Variants in ZNF385D observed in about 807,000 individuals in gnomAD.
The protein encoded by ZNF385D is zinc finger protein 659.
Under a neutral mutation model 35.8 loss-of-function variants are expected in ZNF385D, and 15 were observed. The observed-to-expected ratio is 0.42, with a 90% CI of 0.28 to 0.64. The LOEUF (loss-of-function observed/expected upper bound fraction) is 0.64. Among genes scored for constraint, ZNF385D ranks in the 30% least tolerant of loss-of-function variants. The probability of loss-of-function intolerance (pLI) is 0.23; values close to 1 mark genes in which losing one functional copy is unlikely to be tolerated. For synonymous variants in ZNF385D, 212 were observed against 186.8 expected, an observed-to-expected ratio of 1.13 and a Z score of -1.10; for missense variants, 474 against 494.6, an observed-to-expected ratio of 0.96 and a Z score of 0.39.
At chr3:21,527,653 C>G (rs1484629361) in intron 3 of ZNF385D, among the ~76,000 whole-genome samples, 2 of 152,156 alleles carry the variant, frequency 1.3e-5, no homozygotes, top group Admixed American at 1.3e-4. Flanking sequence ...TTCCTCTGGT[C>G]TTCAGTAGCC....
chr3:22,043,193 A>G (rs760366958), intron 3 of ZNF385D, among the ~76,000 whole-genome samples: 3 of 152,184 alleles, frequency 2.0e-5, no homozygotes, highest in Non-Finnish European at 4.4e-5. Flanking sequence ...CAATAGCACT[A>G]AATTTATCAA....
chr3:21,982,961 G>C (rs895327340), intron 3 of ZNF385D, among the ~76,000 whole-genome samples: 3 of 151,862 alleles, frequency 2.0e-5, no homozygotes, highest in African/African-American at 4.8e-5. Flanking sequence ...TAGCGGATTA[G>C]CTTTCTGATG....
At chr3:21,837,104 G>C (rs1647565251) in intron 3 of ZNF385D, among the ~76,000 whole-genome samples, 1 of 152,094 alleles carries the variant, frequency 6.6e-6, no homozygotes, top group Non-Finnish European at 1.5e-5. Flanking sequence ...GCTAGCATTG[G>C]AGTGACAGAA....
intron 2 of ZNF385D, among the ~76,000 whole-genome samples, chr3:22,235,842 T>C (rs1392813652): frequency 6.6e-6 from 1 of 152,100 alleles, no homozygotes; most frequent in African/African-American, 2.4e-5. Flanking sequence ...AAGGGTAATA[T>C]AAAAATTTAA....
chr3:21,853,041 T>C (rs1696484353), intron 3 of ZNF385D, among the ~76,000 whole-genome samples: 2 of 72,802 alleles, frequency 2.7e-5, no homozygotes, highest in South Asian at 1.2e-3. Flanking sequence ...TAAAAGCCAA[T>C]TAAAGTTCTC....
At chr3:22,141,297 C>T (rs550859619) in intron 3 of ZNF385D, among the ~76,000 whole-genome samples, 16 of 152,140 alleles carry the variant, frequency 1.1e-4, no homozygotes, top group African/African-American at 3.9e-4. Flanking sequence ...GCTGGCAAGA[C>T]TAGTTTTCAA....
At chr3:21,684,580 T>A (rs1193891758) in intron 1 of ZNF385D, among the ~76,000 whole-genome samples, 1 of 152,202 alleles carries the variant, frequency 6.6e-6, no homozygotes, top group East Asian at 1.9e-4. Context: ...AGTTAAGTAT[T>A]ATAAAGTCAC....
chr3:22,234,549 C>G (rs1049734564), intron 2 of ZNF385D, among the ~76,000 whole-genome samples: 1 of 151,966 alleles, frequency 6.6e-6, no homozygotes. Flanking sequence ...CCACCATAAT[C>G]TTAGCCTATA....
At chr3:21,653,318 A>T (rs1400509300) in intron 2 of ZNF385D, among the ~76,000 whole-genome samples, 1 of 152,020 alleles carries the variant, frequency 6.6e-6, no homozygotes, top group Non-Finnish European at 1.5e-5. Flanking sequence ...ATATGTATAA[A>T]TGAAGTATAT....
chr3:22,236,567 C>G (rs1699196098), intron 2 of ZNF385D, among the ~76,000 whole-genome samples: 5 of 152,152 alleles, frequency 3.3e-5, no homozygotes, highest in Admixed American at 2.6e-4. Flanking sequence ...GATATAATCA[C>G]TTACCATAAT....
intron 2 of ZNF385D, among the ~76,000 whole-genome samples, chr3:22,364,457 T>C (rs972762182): frequency 8.5e-5 from 13 of 152,060 alleles, no homozygotes; most frequent in African/African-American, 1.9e-4. Flanking sequence ...TAAATATTGC[T>C]TTAAAGGAGA....
At chr3:21,563,470 T>G (rs1315390146) in intron 3 of ZNF385D, among the ~76,000 whole-genome samples, 1 of 152,238 alleles carries the variant, frequency 6.6e-6, no homozygotes, top group Non-Finnish European at 1.5e-5. Flanking sequence ...TTAGTAAGTA[T>G]GAGTTCTTAA....
chr3:21,707,219 T>C (rs2067938983), intron 1 of ZNF385D, among the ~76,000 whole-genome samples: 2 of 152,234 alleles, frequency 1.3e-5, no homozygotes, highest in African/African-American at 4.8e-5. Context: ...CTTCATTTTG[T>C]GACTTACAAA....
chr3:22,200,663 A>G (rs531406511), intron 2 of ZNF385D, among the ~76,000 whole-genome samples: 1 of 152,222 alleles, frequency 6.6e-6, no homozygotes, highest in South Asian at 2.1e-4. Context: ...TCTTCCTAAT[A>G]AGCCTGGGAG....
intron 3 of ZNF385D, among the ~76,000 whole-genome samples, chr3:22,146,490 A>G (rs1383277874): frequency 6.6e-6 from 1 of 152,174 alleles, no homozygotes; most frequent in Non-Finnish European, 1.5e-5. Context: ...TTGAAGTAAT[A>G]TCTACTTAGG....
Position 22,170,379 on chromosome 3 carries a change from T to C in ZNF385D, c.107-1344A>G, listed in dbSNP as rs556005812. 2.6e-5 allele frequency among the ~76,000 whole-genome samples: 4 copies of C among 152,268 alleles called. No individual in the cohort carries two copies. In the South Asian group the frequency reaches 8.3e-4, roughly 32 times the overall value. On this transcript the variant is annotated intron_variant, in intron 2 of 5. Coordinates refer to the ZNF385D transcript ENST00000494108. The stretch of plus-strand genomic sequence containing the variant: ...TTTAACAACATGTAAGTATTATCAG[T>C]TTGCCAATAAAATTTTAAAGAAAAT...
chr3:21,701,287 T>TTGG (rs1377324633), intron 1 of ZNF385D, among the ~76,000 whole-genome samples: 1 of 109,788 alleles, frequency 9.1e-6, no homozygotes, highest in Non-Finnish European at 1.9e-5. Flanking sequence ...TTCTTACATG[T>TTGG]TGGTGGCAAG....
intron 1 of ZNF385D, among the ~76,000 whole-genome samples, chr3:21,726,835 T>C (rs2068785924): frequency 6.6e-6 from 1 of 152,112 alleles, no homozygotes; most frequent in Non-Finnish European, 1.5e-5. Context: ...AAACTTCATA[T>C]GGAACCAAAA....
chr3:21,588,510 A>T (rs2063878210), intron 2 of ZNF385D, among the ~76,000 whole-genome samples: 1 of 152,168 alleles, frequency 6.6e-6, no homozygotes, highest in Non-Finnish European at 1.5e-5. Context: ...AGCATTTATC[A>T]AACAGTATAT....
Sources: gnomAD v4.1 joint callset for allele counts (sites outside exome capture counted in the v4.1 genomes callset) on GRCh38, gnomAD v4.1.1 for gene constraint, MANE v1.5 for transcripts, NCBI Gene and HGNC (gene_info 2026-07-23, HGNC 2026-07-21) for gene names.